The following TJP1 variants were observed in gnomAD, a reference collection of about 807,000 sequenced individuals.
The protein encoded by TJP1 is tight junction protein 1, also known as tight junction protein ZO-1.
A neutral mutation model predicts 194.2 loss-of-function variants in TJP1; 43 were observed. The observed-to-expected ratio is 0.22, with a 90% CI of 0.17 to 0.29. The LOEUF is 0.29. Ranked by LOEUF, TJP1 falls within the 10% of genes least tolerant of loss-of-function variation. The pLI is 1.00. For missense variants in TJP1, 1,971 were observed against 2,185.7 expected (o/e 0.90, Z 1.96); for synonymous variants, 801 against 779.0 (o/e 1.03, Z -0.47).
In TJP1 at chr15:29,893,396, A is replaced by G. The variant is rs185721199; in HGVS notation, c.306+62836T>C. 3.5e-4 allele frequency among the ~76,000 whole-genome samples: 54 copies of G among 152,346 alleles called. No homozygotes were observed. In the East Asian group the frequency reaches 9.6e-3, roughly 27 times the overall value. ...TGATAAAGCAGTGACAGGGTTTGAG[A>G]GGACTGGCTCCAGTTTTGAAAGAAG... On this transcript the variant is annotated intron_variant, in intron 2 of 28. Coordinates refer to the TJP1 transcript ENST00000356107.
intron 20 of TJP1, 106 bp downstream of exon 20, chr15:29,719,671 G>T: frequency 7.1e-7 from 1 of 1,405,494 alleles, no homozygotes; most frequent in Non-Finnish European, 9.7e-7. Flanking sequence ...CAGTGTATAA[G>T]CCTGCAGTAA....
At chr15:29,903,707 G>A (rs1205000251) in intron 2 of TJP1, among the ~76,000 whole-genome samples, 2 of 152,154 alleles carry the variant, frequency 1.3e-5, no homozygotes. Flanking sequence ...GCCTCCCAAA[G>A]TGCTGGGATT....
intron 2 of TJP1, among the ~76,000 whole-genome samples, chr15:29,849,386 CA>C (rs2051548061): frequency 6.6e-6 from 1 of 151,698 alleles, no homozygotes; most frequent in East Asian, 1.9e-4. Context: ...CCGCACCCCC[CA>C]CTGTTTTAAT....
At chr15:29,735,570 G>C (rs1172011321) in intron 11 of TJP1, among the ~76,000 whole-genome samples, 1 of 146,180 alleles carries the variant, frequency 6.8e-6, no homozygotes, top group East Asian at 2.0e-4. Context: ...CTGGGTGACA[G>C]TGAGGCGCTG....
intron 1 of TJP1, among the ~76,000 whole-genome samples, chr15:29,963,376 A>G (rs1432568146): frequency 6.6e-6 from 1 of 152,192 alleles, no homozygotes; most frequent in African/African-American, 2.4e-5. Flanking sequence ...GAGCAAGTCA[A>G]TGACCTAATT....
At chr15:29,834,345 A>C (rs1238590996) in intron 2 of TJP1, among the ~76,000 whole-genome samples, 2 of 151,276 alleles carry the variant, frequency 1.3e-5, no homozygotes, top group African/African-American at 4.9e-5. Flanking sequence ...CTCAGCCTCC[A>C]GAGTAGCTGG....
At chr15:29,757,977 A>G (rs577420382) in intron 8 of TJP1, among the ~76,000 whole-genome samples, 1 of 152,344 alleles carries the variant, frequency 6.6e-6, no homozygotes, top group Non-Finnish European at 1.5e-5. Flanking sequence ...CAGTGAAGGA[A>G]AACGAGGATG....
chr15:29,705,686 C>A lies in TJP1; in HGVS notation c.4910G>T (p.Arg1637Leu). 1.2e-6 allele frequency: 2 copies of A among 1,614,126 alleles called. No homozygotes were observed. Among genetic ancestry groups the A allele is most frequent in the South Asian group, 2.2e-5 (2 of 91,080 alleles). ...GCCCCCATTGCTGTTAAATATGCCT[C>A]GGGCTGTGGCCACCACAGTATGACC... is the stretch of plus-strand genomic sequence containing the variant. ...EDGHTVVATA[R>L]GIFNSNGGVL... Residue 1637 changes from arginine (R) to leucine (L), a missense_variant, in exon 26 of 28, where the codon CGA becomes CTA. Around this residue, in one of 5 missense-constraint regions of TJP1, gnomAD observed 1,108 missense variants for 1,128.5 expected, o/e 0.98. Coordinates refer to ENST00000614355, the MANE Select transcript of TJP1 (RefSeq NM_001330239.4).
rs1596218903 is a variant in TJP1, at chr15:29,902,072, T to C, written c.306+54160A>G. 2.6e-5 allele frequency among the ~76,000 whole-genome samples: 4 copies of C among 152,206 alleles called. No individual in the cohort carries two copies. The South Asian group carries it at 8.3e-4, about 31-fold the overall frequency. On this transcript the variant is annotated intron_variant, in intron 2 of 28. Coordinates refer to the TJP1 transcript ENST00000356107. ...GTCATCAACCCTGAATGCAACTCTATTTCCACAAATTGGAAGAGGGGAAAA... is the reference window on the plus strand; with the variant it reads ...GTCATCAACCCTGAATGCAACTCTACTTCCACAAATTGGAAGAGGGGAAAA...
chr15:29,728,002 C>A lies in TJP1; in HGVS notation c.2035G>T (p.Ala679Ser). 1.2e-6 allele frequency: 2 copies of A among 1,614,056 alleles called. No homozygotes were observed. Among genetic ancestry groups the A allele is most frequent in the Non-Finnish European group, 1.7e-6 (2 of 1,179,984 alleles). ...YQIAKSEPRD[A>S]GTDQRSSGII... The stretch of plus-strand genomic sequence containing the variant: ...CCAGAGCTACGTTGGTCAGTTCCAG[C>A]GTCTCGTGGTTCACTCTCTATTCAT... The change falls in exon 16 of 28, where the codon GCT (alanine) becomes TCT (serine). Residue 679 changes from alanine to serine, a missense_variant. Coordinates refer to ENST00000614355, the MANE Select transcript of TJP1 (RefSeq NM_001330239.4).
chr15:29,811,020 A>G (rs74531869), intron 1 of TJP1, among the ~76,000 whole-genome samples: 2,651 of 152,240 alleles, frequency 0.017, 77 homozygotes, highest in East Asian at 0.096. Context: ...ACAAAGTTAA[A>G]TAAGTACTAT....
At chr15:29,874,942 AT>A (rs1483716123) in intron 2 of TJP1, among the ~76,000 whole-genome samples, 4 of 152,356 alleles carry the variant, frequency 2.6e-5, no homozygotes, top group East Asian at 1.9e-4. Flanking sequence ...AATGAAAACC[AT>A]TTTTTAAGGG....
chr15:29,910,724 C>T (rs1338620740), intron 2 of TJP1, among the ~76,000 whole-genome samples: 1 of 152,120 alleles, frequency 6.6e-6, no homozygotes, highest in Non-Finnish European at 1.5e-5. Context: ...AAAATTGCTT[C>T]CCCAATAACT....
chr15:29,873,524 T>C (rs2052597283), intron 2 of TJP1, among the ~76,000 whole-genome samples: 1 of 152,222 alleles, frequency 6.6e-6, no homozygotes, highest in South Asian at 2.1e-4. Context: ...TCAGTTTCTT[T>C]TTTGAATCAA....
chr15:29,820,396 T>G (rs1309218315), intron 1 of TJP1: 1 of 629,134 alleles, frequency 1.6e-6, no homozygotes, highest in Non-Finnish European at 2.9e-6. Flanking sequence ...AAAAAAAGCT[T>G]TCAACTTGCC....
chr15:29,818,224 CTTAAA>C (rs910981720), intron 1 of TJP1, among the ~76,000 whole-genome samples: 28 of 150,266 alleles, frequency 1.9e-4, no homozygotes, highest in African/African-American at 4.3e-4. Context: ...ATAGCACAAT[CTTAAA>C]TTAAATTTTA....
At chr15:29,856,692 G>A (rs372600133) in intron 2 of TJP1, among the ~76,000 whole-genome samples, 6 of 151,836 alleles carry the variant, frequency 4.0e-5, no homozygotes, top group Non-Finnish European at 5.9e-5. Flanking sequence ...ATGTGGGTGC[G>A]GCCAGGTGTG....
rs1274593862 is a variant in TJP1, at chr15:29,802,944, AAC to A, written c.28-2244_28-2243del. Reference sequence around the variant, plus strand: ...CATCATCCTCTCTAAGGTCTTAATGAACACAGTTTTCCATTTTGTAAGAAGAT... The same window carrying A: ...CATCATCCTCTCTAAGGTCTTAATGAACAGTTTTCCATTTTGTAAGAAGAT... On this transcript the variant is annotated intron_variant, in intron 1 of 27. Coordinates refer to ENST00000614355, the MANE Select transcript of TJP1 (RefSeq NM_001330239.4). Among the ~76,000 whole-genome samples, 79 of 152,284 alleles carry A rather than the reference AAC, an allele frequency of 5.2e-4. 1 individual carries two copies. The highest frequency in any genetic ancestry group is 1.9e-3 in the African/African-American group (77 of 41,556).
At chr15:29,791,359 T>C (rs2048071219) in intron 2 of TJP1, among the ~76,000 whole-genome samples, 1 of 149,880 alleles carries the variant, frequency 6.7e-6, no homozygotes. Context: ...GCAGTGGAAA[T>C]GCTGGATCAT....
Sources: allele counts gnomAD v4.1 joint callset (sites outside exome capture counted in the v4.1 genomes callset), GRCh38; gene constraint gnomAD v4.1.1; regional missense constraint gnomAD v4.1.1; transcripts MANE v1.5; gene names NCBI Gene and HGNC (gene_info 2026-07-23, HGNC 2026-07-21).